The following SH3RF3 variants were observed in gnomAD, a reference collection of about 807,000 sequenced individuals.
The protein encoded by SH3RF3 is E3 ubiquitin-protein ligase SH3RF3.
In SH3RF3, 29 loss-of-function variants were observed where a neutral mutation model predicts 66.3. The observed-to-expected ratio is 0.44, with a 90% CI of 0.33 to 0.60. The LOEUF is 0.60. Among genes scored for constraint, SH3RF3 ranks in the 20% least tolerant of loss-of-function variants. The pLI, the probability that SH3RF3 is intolerant of heterozygous loss-of-function variation, is 0.04. For missense variants in SH3RF3, 1,194 were observed against 1,190.9 expected (o/e 1.00, Z -0.04); for synonymous variants, 583 against 532.0 (o/e 1.10, Z -1.32).
chr2:109,409,810 G>A (rs1278395737), intron 4 of SH3RF3, among the ~76,000 whole-genome samples: 1 of 151,942 alleles, frequency 6.6e-6, no homozygotes, highest in Non-Finnish European at 1.5e-5. Context: ...AGTTTTCTTT[G>A]GGAAGCAAGT....
At chr2:109,314,150 CA>C (rs1681812122) in intron 1 of SH3RF3, among the ~76,000 whole-genome samples, 1 of 152,066 alleles carries the variant, frequency 6.6e-6, no homozygotes, top group African/African-American at 2.4e-5. Context: ...CTGCAGGTGC[CA>C]AGGTCGTGGT....
chr2:109,295,715 G>A (rs900001489), intron 1 of SH3RF3, among the ~76,000 whole-genome samples: 7 of 152,318 alleles, frequency 4.6e-5, no homozygotes, highest in South Asian at 2.1e-4. Context: ...AGATCAGGGA[G>A]GGGGAGGTTT....
At chr2:109,337,436 A>ACC (rs1411970404) in intron 1 of SH3RF3, among the ~76,000 whole-genome samples, 1 of 152,000 alleles carries the variant, frequency 6.6e-6, no homozygotes, top group Non-Finnish European at 1.5e-5. Context: ...CACTGTGGCC[A>ACC]CCCCCTCGCA....
intron 1 of SH3RF3, among the ~76,000 whole-genome samples, chr2:109,178,509 T>C (rs1483205049): frequency 6.6e-6 from 1 of 152,230 alleles, no homozygotes; most frequent in African/African-American, 2.4e-5. Context: ...ACTGTATTTG[T>C]CAGAGATTAT....
chr2:109,323,150 C>G (rs2105464984), intron 1 of SH3RF3, among the ~76,000 whole-genome samples: 1 of 152,298 alleles, frequency 6.6e-6, no homozygotes, highest in East Asian at 1.9e-4. Context: ...CCTCGGCTTC[C>G]AGAGACAATG....
chr2:109,355,679 G>A (rs970320705), intron 2 of SH3RF3, among the ~76,000 whole-genome samples: 7 of 152,330 alleles, frequency 4.6e-5, no homozygotes, highest in African/African-American at 1.7e-4. Flanking sequence ...TATTGAGTGT[G>A]CATCTGTTGG....
intron 3 of SH3RF3, among the ~76,000 whole-genome samples, chr2:109,378,827 C>A (rs1274979814): frequency 1.3e-5 from 2 of 152,216 alleles, no homozygotes; most frequent in African/African-American, 2.4e-5. Flanking sequence ...AGAGATTGCT[C>A]TGCCTTCTCC....
chr2:109,295,426 A>T (rs1276498231), intron 1 of SH3RF3, among the ~76,000 whole-genome samples: 1 of 152,232 alleles, frequency 6.6e-6, no homozygotes, highest in Non-Finnish European at 1.5e-5. Context: ...TAAAGAACTC[A>T]GGGCGGGAGC....
intron 1 of SH3RF3, among the ~76,000 whole-genome samples, chr2:109,234,444 T>A (rs1679595290): frequency 6.6e-6 from 1 of 152,214 alleles, no homozygotes; most frequent in African/African-American, 2.4e-5. Flanking sequence ...GGAGCTAGTG[T>A]TCTTTGGAAC....
intron 1 of SH3RF3, among the ~76,000 whole-genome samples, chr2:109,303,304 GAGGAA>G (rs1385980608): frequency 6.6e-6 from 1 of 152,246 alleles, no homozygotes; most frequent in Non-Finnish European, 1.5e-5. Flanking sequence ...CCATCCATGT[GAGGAA>G]AGAGCTTGCC....
intron 1 of SH3RF3, among the ~76,000 whole-genome samples, chr2:109,241,629 TG>T (rs1394716844): frequency 6.6e-6 from 1 of 152,218 alleles, no homozygotes; most frequent in East Asian, 1.9e-4. Flanking sequence ...GGAGGGCCCC[TG>T]GGACTCTCTG....
intron 1 of SH3RF3, among the ~76,000 whole-genome samples, chr2:109,198,233 A>C (rs972758303): frequency 2.6e-5 from 4 of 152,222 alleles, no homozygotes; most frequent in Non-Finnish European, 5.9e-5. Flanking sequence ...GAAGCAAACC[A>C]GCCAGCCAGC....
At chr2:109,188,752 C>G (rs1039466946) in intron 1 of SH3RF3, among the ~76,000 whole-genome samples, 2 of 152,162 alleles carry the variant, frequency 1.3e-5, no homozygotes, top group African/African-American at 4.8e-5. Context: ...CTCTGAGAGA[C>G]ACCATCGCAG....
At chr2:109,230,762 T>C (rs1679487596) in intron 1 of SH3RF3, among the ~76,000 whole-genome samples, 1 of 152,230 alleles carries the variant, frequency 6.6e-6, no homozygotes, top group African/African-American at 2.4e-5. Context: ...TAAAATGGGT[T>C]TGTCTGGACA....
At chr2:109,413,918 AG>A (rs67743529) in intron 4 of SH3RF3, among the ~76,000 whole-genome samples, 6,251 of 152,322 alleles carry the variant, frequency 0.041, 281 homozygotes, top group African/African-American at 0.11. Flanking sequence ...GTGGTCCAGC[AG>A]GGGCAGTCAC....
At chr2:109,424,506 C>T (rs1676979661) in intron 5 of SH3RF3, among the ~76,000 whole-genome samples, 1 of 152,180 alleles carries the variant, frequency 6.6e-6, no homozygotes, top group African/African-American at 2.4e-5. Context: ...AGCTTCGGGG[C>T]AACCCAGCAT....
intron 1 of SH3RF3, among the ~76,000 whole-genome samples, chr2:109,297,212 C>T (rs545645293): frequency 2.0e-5 from 3 of 152,004 alleles, no homozygotes; most frequent in Non-Finnish European, 2.9e-5. Context: ...GAAGACCCTG[C>T]GATTCATTCA....
intron 1 of SH3RF3, among the ~76,000 whole-genome samples, chr2:109,222,772 A>G (rs1429021933): frequency 1.3e-5 from 2 of 152,260 alleles, no homozygotes; most frequent in African/African-American, 2.4e-5. Flanking sequence ...TGGTCTGCCT[A>G]AGGACTTTTT....
intron 9 of SH3RF3, among the ~76,000 whole-genome samples, chr2:109,492,989 C>G (rs1041817161): frequency 6.6e-6 from 1 of 151,988 alleles, no homozygotes; most frequent in South Asian, 2.1e-4. Context: ...TCACACTGCA[C>G]ACCACACTGT....
Sources: gnomAD v4.1 joint callset for allele counts (sites outside exome capture counted in the v4.1 genomes callset) on GRCh38, gnomAD v4.1.1 for gene constraint, MANE v1.5 for transcripts, NCBI Gene and HGNC (gene_info 2026-07-23, HGNC 2026-07-21) for gene names.